The following KAZN variants were observed in gnomAD, a reference collection of about 807,000 sequenced individuals.
The protein encoded by KAZN is kazrin.
In KAZN, 40 loss-of-function variants were observed where a neutral mutation model predicts 87.4. The ratio of observed to expected loss-of-function variants is 0.46; its 90% CI spans 0.36 to 0.60. The LOEUF (loss-of-function observed/expected upper bound fraction) is 0.60. Among genes scored for constraint, KAZN ranks in the 20% least tolerant of loss-of-function variants. KAZN has a pLI of 0.00. For missense variants in KAZN, 898 were observed against 1,073.9 expected (o/e 0.84, Z 2.29); for synonymous variants, 466 against 458.3 (o/e 1.02, Z -0.22).
intron 1 of KAZN, among the ~76,000 whole-genome samples, chr1:14,671,476 C>A (rs1639912430): frequency 6.6e-6 from 1 of 151,838 alleles, no homozygotes; most frequent in African/African-American, 2.4e-5. Context: ...TTCACTCCCC[C>A]ATTCACAAAA....
chr1:14,924,148 G>C, intron 1 of KAZN: 1 of 982,442 alleles, frequency 1.0e-6, no homozygotes. Flanking sequence ...CCACGTGAGA[G>C]GCTCCGCGGC....
chr1:14,258,653 A>G (rs1404153208), intron 2 of KAZN, among the ~76,000 whole-genome samples: 2 of 152,216 alleles, frequency 1.3e-5, no homozygotes, highest in African/African-American at 4.8e-5. Flanking sequence ...GCTTCAGAAT[A>G]TTAAATTCAT....
intron 2 of KAZN, among the ~76,000 whole-genome samples, chr1:14,259,759 G>C (rs1650864722): frequency 6.6e-6 from 1 of 152,176 alleles, no homozygotes; most frequent in Non-Finnish European, 1.5e-5. Context: ...GCAGCTGCAG[G>C]GCCTTCAGAA....
chr1:14,405,939 G>A (rs1485954337), intron 2 of KAZN, among the ~76,000 whole-genome samples: 1 of 152,110 alleles, frequency 6.6e-6, no homozygotes, highest in Admixed American at 6.6e-5. Context: ...AGGGCAGTCT[G>A]CTATCCTCAG....
intron 1 of KAZN, among the ~76,000 whole-genome samples, chr1:14,708,332 T>G (rs1010737766): frequency 3.3e-5 from 5 of 152,172 alleles, no homozygotes; most frequent in Admixed American, 2.0e-4. Flanking sequence ...CAGGAACAAG[T>G]GATATTTTGC....
intron 4 of KAZN, among the ~76,000 whole-genome samples, chr1:15,045,816 T>C (rs1326111026): frequency 2.6e-5 from 4 of 152,098 alleles, no homozygotes; most frequent in Non-Finnish European, 4.4e-5. Context: ...AACCATCAGA[T>C]CTCGTTAGCA....
At chr1:14,306,211 C>T (rs1022920443) in intron 2 of KAZN, among the ~76,000 whole-genome samples, 4 of 152,188 alleles carry the variant, frequency 2.6e-5, no homozygotes, top group Admixed American at 1.3e-4. Context: ...GGCAAAAGTG[C>T]TTTGTGAAAA....
chr1:14,631,931 C>T (rs1014043971), intron 1 of KAZN, among the ~76,000 whole-genome samples: 1 of 152,170 alleles, frequency 6.6e-6, no homozygotes, highest in African/African-American at 2.4e-5. Context: ...CAAGCACCCC[C>T]CAGCTTTGAA....
At chr1:14,427,326 GATA>G (rs1162883617) in intron 2 of KAZN, among the ~76,000 whole-genome samples, 2 of 152,166 alleles carry the variant, frequency 1.3e-5, no homozygotes, top group African/African-American at 2.4e-5. Context: ...GTAAACTGGG[GATA>G]ATAATAGTCC....
At chr1:14,674,599 G>T (rs1256553601) in intron 1 of KAZN, among the ~76,000 whole-genome samples, 1 of 152,204 alleles carries the variant, frequency 6.6e-6, no homozygotes, top group Non-Finnish European at 1.5e-5. Context: ...AGCTTAAGCG[G>T]AGGACAAAGG....
intron 1 of KAZN, among the ~76,000 whole-genome samples, chr1:14,829,622 A>C (rs60865405): frequency 6.6e-6 from 1 of 152,138 alleles, no homozygotes; most frequent in Non-Finnish European, 1.5e-5. Flanking sequence ...TCCTGTGTGC[A>C]TGTGTTTATT....
Position 14,678,999 on chromosome 1 carries a change from G to A in KAZN, c.226+79776G>A, listed in dbSNP as rs12066640. On this transcript the variant is annotated intron_variant, in intron 1 of 14. Coordinates refer to ENST00000376030, the MANE Select transcript of KAZN (RefSeq NM_201628.3). ...AGATTGTGGTAAATGCTGTGAAAAA[G>A]CAGCAAATGTTTCTGTTAATGCACA... 6.0e-3 allele frequency among the ~76,000 whole-genome samples: 914 copies of A among 152,290 alleles called. 10 individuals are homozygous for A. Among genetic ancestry groups the A allele is most frequent in the African/African-American group, 0.02 (828 of 41,554 alleles).
chr1:14,691,053 A>G (rs1049846495), intron 1 of KAZN, among the ~76,000 whole-genome samples: 1 of 152,342 alleles, frequency 6.6e-6, no homozygotes, highest in South Asian at 2.1e-4. Context: ...AGGCAAATGT[A>G]TACTTTTTCA....
chr1:14,584,055 A>G (rs142166787), intron 2 of KAZN, among the ~76,000 whole-genome samples: 2 of 152,292 alleles, frequency 1.3e-5, no homozygotes, highest in East Asian at 1.9e-4. Flanking sequence ...GCGTGTGGAC[A>G]TGCGTTGCCT....
chr1:13,915,155 G>A (rs756220013), intron 1 of KAZN, among the ~76,000 whole-genome samples: 4 of 152,176 alleles, frequency 2.6e-5, no homozygotes, highest in Non-Finnish European at 5.9e-5. Flanking sequence ...GTATACACAT[G>A]CACACAGACA....
intron 1 of KAZN, among the ~76,000 whole-genome samples, chr1:14,861,223 C>T (rs6429682): frequency 0.42 from 63,876 of 151,624 alleles, 15,524 homozygotes; most frequent in African/African-American, 0.66. Context: ...ACTAAAAGTA[C>T]AAAAATTAGC....
At chr1:14,260,179 A>T (rs1370820287) in intron 2 of KAZN, among the ~76,000 whole-genome samples, 2 of 152,296 alleles carry the variant, frequency 1.3e-5, no homozygotes, top group South Asian at 2.1e-4. Context: ...TATGCCAGGC[A>T]CTTTTCTAGA....
chr1:14,548,377 T>G (rs1033079495), intron 2 of KAZN, among the ~76,000 whole-genome samples: 1 of 152,046 alleles, frequency 6.6e-6, no homozygotes, highest in Non-Finnish European at 1.5e-5. Flanking sequence ...TTTTATATTT[T>G]TAGTAGAGAC....
At chr1:14,316,057 T>G (rs1411547802) in intron 2 of KAZN, among the ~76,000 whole-genome samples, 1 of 152,066 alleles carries the variant, frequency 6.6e-6, no homozygotes, top group Non-Finnish European at 1.5e-5. Flanking sequence ...TGCACCAAAC[T>G]TTATATTACC....
Sources: allele counts gnomAD v4.1 joint callset (sites outside exome capture counted in the v4.1 genomes callset), GRCh38; gene constraint gnomAD v4.1.1; transcripts MANE v1.5; gene names NCBI Gene and HGNC (gene_info 2026-07-23, HGNC 2026-07-21).